Variants in NCKAP5 observed in about 807,000 individuals in gnomAD.
NCKAP5 encodes the protein nck-associated protein 5.
In NCKAP5, 92 loss-of-function variants were observed where a neutral mutation model predicts 167.0. The ratio of observed to expected loss-of-function variants is 0.55; its 90% CI spans 0.47 to 0.66. The LOEUF (loss-of-function observed/expected upper bound fraction) is 0.66, where lower values mean the gene tolerates loss of function less well. NCKAP5 is among the 30% of genes least tolerant of loss of function. The pLI, the probability that NCKAP5 is intolerant of heterozygous loss-of-function variation, is 0.00. For missense variants in NCKAP5, 2,378 were observed against 2,315.0 expected (o/e 1.03, Z -0.56); for synonymous variants, 891 against 877.4 (o/e 1.02, Z -0.27).
At chr2:132,933,725 A>C (rs1005412328) in intron 8 of NCKAP5, among the ~76,000 whole-genome samples, 7 of 152,380 alleles carry the variant, frequency 4.6e-5, no homozygotes, top group Non-Finnish European at 8.8e-5. Flanking sequence ...ATTTAAAGAC[A>C]GAAAAATGGT....
chr2:133,165,021 C>T (rs182604121), intron 5 of NCKAP5, among the ~76,000 whole-genome samples: 2 of 152,228 alleles, frequency 1.3e-5, no homozygotes, highest in East Asian at 3.9e-4. Context: ...GATGATTTTG[C>T]CTCCCCTCTT....
intron 5 of NCKAP5, among the ~76,000 whole-genome samples, chr2:133,209,709 A>C (rs943131196): frequency 6.6e-6 from 1 of 152,116 alleles, no homozygotes; most frequent in African/African-American, 2.4e-5. Context: ...ATAAAGTCTT[A>C]AGTTTAATTG....
intron 3 of NCKAP5, among the ~76,000 whole-genome samples, chr2:133,456,017 T>C (rs1050188540): frequency 2.6e-5 from 4 of 152,186 alleles, no homozygotes; most frequent in Non-Finnish European, 4.4e-5. Flanking sequence ...TCTGTATCTT[T>C]TGTGATGGTG....
intron 5 of NCKAP5, among the ~76,000 whole-genome samples, chr2:133,156,873 G>A (rs1179915117): frequency 6.6e-5 from 10 of 152,066 alleles, no homozygotes; most frequent in Non-Finnish European, 1.5e-5. Context: ...TTGCATGCAA[G>A]ATCCTTCATA....
chr2:132,972,012 C>T (rs920577726), intron 7 of NCKAP5, among the ~76,000 whole-genome samples: 12 of 152,146 alleles, frequency 7.9e-5, no homozygotes, highest in Non-Finnish European at 1.6e-4. Flanking sequence ...TGAGGTTGCA[C>T]ATTTGATTTA....
intron 18 of NCKAP5, 83 bp downstream of exon 18, chr2:132,728,733 A>G: frequency 1.3e-6 from 2 of 1,532,760 alleles, no homozygotes; most frequent in Non-Finnish European, 1.8e-6. Context: ...AGTGAAATCT[A>G]TCATAAAAGT....
intron 6 of NCKAP5, among the ~76,000 whole-genome samples, chr2:133,065,709 ACT>A (rs1427244819): frequency 6.6e-6 from 1 of 152,070 alleles, no homozygotes; most frequent in Non-Finnish European, 1.5e-5. Flanking sequence ...CATGGTTCAC[ACT>A]CTACCAGCAG....
At chr2:132,700,073 A>G (rs901123479) in intron 19 of NCKAP5, among the ~76,000 whole-genome samples, 4 of 151,316 alleles carry the variant, frequency 2.6e-5, no homozygotes, top group Non-Finnish European at 5.9e-5. Context: ...CATTTCTCTG[A>G]TGGCCAATGA....
chr2:133,609,783 G>A, the NCKAP5 span, among the ~76,000 whole-genome samples: 3 of 152,138 alleles, frequency 2.0e-5, no homozygotes, highest in Non-Finnish European at 4.4e-5. Flanking sequence ...GATATAATAA[G>A]TATCCATCAA....
At position 133,291,470 on chromosome 2, in the gene NCKAP5, C is replaced by G. The variant is rs542148518; in HGVS notation, c.143+11567G>C. On this transcript the variant is annotated intron_variant, in intron 4 of 19. Coordinates refer to ENST00000409261, the MANE Select transcript of NCKAP5 (RefSeq NM_207363.3). Reference sequence around the variant, plus strand: ...AGCAGAGGGCTGCAACCAAAGCAACCCAGGGTCCAGGTGACAGATCTCCCC... The same window carrying G: ...AGCAGAGGGCTGCAACCAAAGCAACGCAGGGTCCAGGTGACAGATCTCCCC... Among the ~76,000 whole-genome samples, 42 of 152,226 alleles carry G rather than the reference C, an allele frequency of 2.8e-4. 1 individual carries two copies. In the South Asian group the frequency reaches 8.5e-3, roughly 31 times the overall value.
intron 16 of NCKAP5, among the ~76,000 whole-genome samples, chr2:132,773,081 A>C (rs1682228755): frequency 6.6e-6 from 1 of 152,202 alleles, no homozygotes; most frequent in Non-Finnish European, 1.5e-5. Flanking sequence ...TGTCGAGCTA[A>C]ATAGTCAGCA....
intron 16 of NCKAP5, among the ~76,000 whole-genome samples, chr2:132,756,734 C>T (rs1466670226): frequency 2.0e-5 from 3 of 152,156 alleles, no homozygotes; most frequent in African/African-American, 7.2e-5. Flanking sequence ...GAAATGACAT[C>T]TTTGGAAATG....
the NCKAP5 span, among the ~76,000 whole-genome samples, chr2:133,670,470 G>A: frequency 6.6e-6 from 1 of 152,064 alleles, no homozygotes; most frequent in Non-Finnish European, 1.5e-5. Context: ...AATCTCCCTT[G>A]TGTGTACTAC....
At chr2:133,492,845 AACTC>A (rs891044604) in intron 3 of NCKAP5, among the ~76,000 whole-genome samples, 1 of 152,212 alleles carries the variant, frequency 6.6e-6, no homozygotes, top group East Asian at 1.9e-4. Flanking sequence ...TTTCTCTGAC[AACTC>A]CTTCCTGGAC....
At chr2:133,391,361 TG>T in intron 3 of NCKAP5, 1 of 157,804 alleles carries the variant, frequency 6.3e-6, no homozygotes. Context: ...TGGCAGTCAA[TG>T]GGGGACAGAT....
At chr2:132,728,374 C>T (rs1690668819) in intron 18 of NCKAP5, among the ~76,000 whole-genome samples, 3 of 152,142 alleles carry the variant, frequency 2.0e-5, no homozygotes, top group African/African-American at 2.4e-5. Context: ...AGTCATTTGA[C>T]CACACCGAGC....
chr2:133,384,567 A>G (rs1686787957), intron 3 of NCKAP5, among the ~76,000 whole-genome samples: 1 of 152,154 alleles, frequency 6.6e-6, no homozygotes, highest in South Asian at 2.1e-4. Flanking sequence ...GTGAATTTTA[A>G]AGTAGTTTTT....
At position 133,308,855 on chromosome 2, in the gene NCKAP5, C is replaced by T. The variant is rs1001991505; in HGVS notation, c.70-5745G>A. On this transcript the variant is annotated intron_variant, in intron 3 of 19. Coordinates refer to ENST00000409261, the MANE Select transcript of NCKAP5 (RefSeq NM_207363.3). Reference sequence around the variant, plus strand: ...CCTCCCGAGTAGCTGGGATTACAGGCGCCCGCCACCGCGCCCGGCTAATTT... The same window carrying T: ...CCTCCCGAGTAGCTGGGATTACAGGTGCCCGCCACCGCGCCCGGCTAATTT... Among the ~76,000 whole-genome samples the T allele has an allele frequency of 2.3e-4, 34 of 149,588 alleles. 1 individual carries two copies. The highest frequency in any genetic ancestry group is 6.0e-4 in the Admixed American group (9 of 15,024).
At chr2:133,082,012 G>A (rs1302284404) in intron 6 of NCKAP5, among the ~76,000 whole-genome samples, 1 of 152,016 alleles carries the variant, frequency 6.6e-6, no homozygotes, top group Non-Finnish European at 1.5e-5. Context: ...TTGATAGGTG[G>A]TTTTTCGATC....
Sources: allele counts gnomAD v4.1 joint callset (sites outside exome capture counted in the v4.1 genomes callset), GRCh38; gene constraint gnomAD v4.1.1; transcripts MANE v1.5; gene names NCBI Gene and HGNC (gene_info 2026-07-23, HGNC 2026-07-21).